The following SSH1 variants were observed in gnomAD, a reference collection of about 807,000 sequenced individuals.
SSH1 encodes slingshot protein phosphatase 1, also known as protein phosphatase Slingshot homolog 1.
Under a neutral mutation model 79.7 loss-of-function variants are expected in SSH1, and 43 were observed. The ratio of observed to expected loss-of-function variants is 0.54; its 90% CI spans 0.42 to 0.70. The LOEUF (loss-of-function observed/expected upper bound fraction) is 0.70, where lower values mean the gene tolerates loss of function less well. SSH1 is among the 30% of genes least tolerant of loss of function. The probability of loss-of-function intolerance (pLI) is 0.00; values close to 1 mark genes in which losing one functional copy is unlikely to be tolerated. For missense variants in SSH1, 1,206 were observed against 1,358.8 expected (o/e 0.89, Z 1.77); for synonymous variants, 599 against 538.3 (o/e 1.11, Z -1.56).
chr12:108,844,064 C>G (rs1012051173), intron 2 of SSH1, among the ~76,000 whole-genome samples: 2 of 152,116 alleles, frequency 1.3e-5, no homozygotes, highest in Non-Finnish European at 2.9e-5. Flanking sequence ...GAAGTACGGG[C>G]AGGGGCATTT....
At chr12:108,824,880 T>C (rs1294704759) in intron 2 of SSH1, among the ~76,000 whole-genome samples, 1 of 152,156 alleles carries the variant, frequency 6.6e-6, no homozygotes, top group Non-Finnish European at 1.5e-5. Flanking sequence ...AAAAATACCA[T>C]CAACTCTCAA....
intron 5 of SSH1, 36 bp from the exon 6 acceptor site, chr12:108,811,364 T>C (rs747049518): frequency 6.2e-7 from 1 of 1,602,752 alleles, no homozygotes; most frequent in South Asian, 1.1e-5. Context: ...GGAGTCAGCG[T>C]CTACCCACCT....
At position 108,792,189 on chromosome 12, in the gene SSH1, G is replaced by A. The variant is rs552926141; in HGVS notation, c.1893+97C>T. The A allele has an allele frequency of 4.5e-5, 71 of 1,583,484 alleles. No homozygotes were observed. The Middle Eastern group carries it at 5.0e-4, about 11-fold the overall frequency. On this transcript the variant is annotated intron_variant, in intron 14 of 14. Transcript: ENST00000326495. ...AAAAAAATCAGCTGGGTGTGGTGGC[G>A]GGTGCCTGTAGTCCCTACTACAGAG...
At chr12:108,822,056 C>CTT (rs2038141970) in intron 3 of SSH1, among the ~76,000 whole-genome samples, 1 of 152,122 alleles carries the variant, frequency 6.6e-6, no homozygotes, top group Non-Finnish European at 1.5e-5. Flanking sequence ...GCACTTTTTC[C>CTT]TCTTTCTTTC....
intron 13 of SSH1, among the ~76,000 whole-genome samples, chr12:108,794,862 G>C (rs1226180235): frequency 6.6e-6 from 1 of 152,068 alleles, no homozygotes; most frequent in Non-Finnish European, 1.5e-5. Context: ...TAGATTGTGG[G>C]GGGTGGGTGG....
At chr12:108,841,434 T>G (rs1188834506) in intron 2 of SSH1, among the ~76,000 whole-genome samples, 1 of 152,200 alleles carries the variant, frequency 6.6e-6, no homozygotes, top group Non-Finnish European at 1.5e-5. Flanking sequence ...AATGAAAAGT[T>G]TAATTAAGTT....
chr12:108,787,637 A>C lies in SSH1; in HGVS notation c.*351T>G. The C allele has an allele frequency of 3.3e-6, 1 of 301,402 alleles. No homozygotes were observed. The highest frequency in any genetic ancestry group is 6.3e-6 in the Non-Finnish European group (1 of 157,602). The allele number at this position is 301,402 out of a possible 1,614,324, so 18.7% of individuals were successfully genotyped here. On this transcript the variant is annotated 3_prime_UTR_variant, in exon 15 of 15. Coordinates refer to ENST00000326495, the MANE Select transcript of SSH1 (RefSeq NM_018984.4). ...CGTGTGCCGCGGTGAGGCTGCCACC[A>C]CCAGGACTCTTCTGCAGGATGCGAA...
intron 2 of SSH1, among the ~76,000 whole-genome samples, chr12:108,848,079 A>C (rs1428064602): frequency 6.6e-6 from 1 of 152,268 alleles, no homozygotes; most frequent in South Asian, 2.1e-4. Flanking sequence ...GAGGGTGGAA[A>C]GGCCACCAAC....
intron 9 of SSH1, among the ~76,000 whole-genome samples, chr12:108,805,514 A>G (rs1413832529): frequency 7.3e-6 from 1 of 136,868 alleles, no homozygotes; most frequent in Non-Finnish European, 1.7e-5. Flanking sequence ...AATCAGTTCT[A>G]TCTTTCTTGG....
chr12:108,818,914 C>T (rs1386409869), intron 3 of SSH1, among the ~76,000 whole-genome samples: 4 of 152,150 alleles, frequency 2.6e-5, no homozygotes, highest in African/African-American at 4.8e-5. Context: ...TCACCAGACC[C>T]GGCTAATTTT....
intron 5 of SSH1, chr12:108,811,691 C>CG (rs1160208514): frequency 7.9e-6 from 3 of 379,890 alleles, no homozygotes; most frequent in Admixed American, 3.7e-5. Flanking sequence ...TGGGTGGCGG[C>CG]AGGGGGAGCG....
intron 9 of SSH1, among the ~76,000 whole-genome samples, chr12:108,805,607 C>T (rs549980265): frequency 6.6e-6 from 1 of 151,862 alleles, no homozygotes; most frequent in Admixed American, 6.6e-5. Context: ...GCCTGTAATC[C>T]CGGCACTCTG....
chr12:108,818,267 G>T lies in SSH1; in HGVS notation c.261C>A (p.Cys87Ter). The T allele has an allele frequency of 6.2e-7, 1 of 1,613,694 alleles. No homozygotes were observed. Among genetic ancestry groups the T allele is most frequent in the Non-Finnish European group, 8.5e-7 (1 of 1,179,926 alleles). ...TTCTTACCAGCTTGATTCTGTCTTCGCAACGCAGAAGGTTGATCATCACCT... is the reference window on the plus strand; with the variant it reads ...TTCTTACCAGCTTGATTCTGTCTTCTCAACGCAGAAGGTTGATCATCACCT... ...HLQVMINLLR[C>*]EDRIKLAVRL... Residue 87 changes from cysteine (C) to a stop codon, truncating the protein, a stop_gained, in exon 4 of 15, where the codon TGC becomes TGA. Coordinates refer to ENST00000326495, the MANE Select transcript of SSH1 (RefSeq NM_018984.4). LOFTEE classifies it high-confidence loss of function.
At chr12:108,795,938 C>T (rs1050472526) in intron 13 of SSH1, among the ~76,000 whole-genome samples, 3 of 152,084 alleles carry the variant, frequency 2.0e-5, no homozygotes, top group Non-Finnish European at 2.9e-5. Context: ...GAAAAGGTCT[C>T]GCTCTGTTGC....
chr12:108,791,746 G>C (rs925028698), intron 14 of SSH1, among the ~76,000 whole-genome samples: 6 of 152,150 alleles, frequency 3.9e-5, no homozygotes, highest in African/African-American at 1.4e-4. Flanking sequence ...GAAACAGTGA[G>C]AACTTGTCTA....
At chr12:108,800,244 C>T (rs972274575) in intron 12 of SSH1, among the ~76,000 whole-genome samples, 7 of 152,048 alleles carry the variant, frequency 4.6e-5, no homozygotes, top group Non-Finnish European at 5.9e-5. Flanking sequence ...CAGGTGAAAC[C>T]GCTGACGGGC....
intron 2 of SSH1, among the ~76,000 whole-genome samples, chr12:108,839,398 C>T (rs1021393444): frequency 1.3e-5 from 2 of 152,196 alleles, no homozygotes; most frequent in African/African-American, 4.8e-5. Context: ...CAGCGTGGCA[C>T]GGGTGGGCCT....
intron 3 of SSH1, among the ~76,000 whole-genome samples, chr12:108,818,858 ATTC>A (rs1720424297): frequency 6.6e-6 from 1 of 152,182 alleles, no homozygotes; most frequent in African/African-American, 2.4e-5. Flanking sequence ...GATTCAACAG[ATTC>A]TTCTGCTTCA....
chr12:108,793,311 A>G (rs2036597407), intron 13 of SSH1, among the ~76,000 whole-genome samples: 1 of 152,202 alleles, frequency 6.6e-6, no homozygotes. Flanking sequence ...ATTTGGGAAG[A>G]TCCTGGAAAA....
Sources: gnomAD v4.1 joint callset for allele counts (sites outside exome capture counted in the v4.1 genomes callset) on GRCh38, gnomAD v4.1.1 for gene constraint, MANE v1.5 for transcripts, NCBI Gene and HGNC (gene_info 2026-07-23, HGNC 2026-07-21) for gene names.